Variants in MARCKSL1 observed in about 807,000 individuals in gnomAD.
MARCKSL1 encodes MARCKS-related protein.
Under a neutral mutation model 13.3 loss-of-function variants are expected in MARCKSL1, and 5 were observed. That is an observed-to-expected ratio of 0.38 (90% CI 0.20 to 0.79). The LOEUF (loss-of-function observed/expected upper bound fraction) is 0.79, where lower values mean the gene tolerates loss of function less well. MARCKSL1 is among the 30% of genes least tolerant of loss of function. The pLI is 0.45. For synonymous variants in MARCKSL1, 126 were observed against 103.2 expected (o/e 1.22, Z -1.34); for missense variants, 274 against 251.6 (o/e 1.09, Z -0.60).
At position 32,334,973 on chromosome 1, in the gene MARCKSL1, C is replaced by G; in HGVS notation, c.212G>C (p.Ser71Thr). The change falls in exon 2 of 2, where the codon AGC (serine) becomes ACC (threonine). Residue 71 changes from serine (S) to threonine (T), a missense_variant. Transcript: ENST00000329421. ...CTCCCCCTTGGCCTCAGCACCCTGG[C>G]TAGGGGGTGCTGGCTCGATGGCATC... ...TGDAIEPAPP[S>T]QGAEAKGEVP... is the part of the protein sequence containing the mutation. The G allele has an allele frequency of 6.2e-7, 1 of 1,611,824 alleles. No individual in the cohort carries two copies. Among genetic ancestry groups the G allele is most frequent in the Non-Finnish European group, 8.5e-7 (1 of 1,179,220 alleles).
chr1:32,336,233 C>G lies in MARCKSL1; in HGVS notation c.-200G>C. On this transcript the variant is annotated 5_prime_UTR_variant, in exon 1 of 2. Transcript: ENST00000329421. ...GCCGCTCCGCTCCGCGCCAGAATGC[C>G]GCCCGCCGCCCGCCGAGCTGCCTAT... The G allele has an allele frequency of 3.2e-6, 1 of 309,664 alleles. No individual in the cohort carries two copies. Among genetic ancestry groups the G allele is most frequent in the East Asian group, 5.1e-5 (1 of 19,690 alleles). 19.2% of individuals were successfully genotyped at this position (309,664 alleles called of 1,614,324 possible). A position where few individuals can be genotyped will look rare whatever the true frequency, so the allele number is the denominator to read the frequency against.
In MARCKSL1 at chr1:32,335,847, C is replaced by T. The variant is rs1641382631; in HGVS notation, c.87+100G>A. The T allele has an allele frequency of 1.7e-6, 1 of 574,452 alleles. No individual in the cohort carries two copies. Among genetic ancestry groups the T allele is most frequent in the Non-Finnish European group, 2.5e-6 (1 of 394,420 alleles). 35.6% of individuals were successfully genotyped at this position (574,452 alleles called of 1,614,324 possible). Reference sequence around the variant, plus strand: ...GCGGGGGAGGGGGCGCCGCGTGTCCCGGGCCGGACAAAGCGCGCGGCCCCG... The same window carrying T: ...GCGGGGGAGGGGGCGCCGCGTGTCCTGGGCCGGACAAAGCGCGCGGCCCCG... On this transcript the variant is annotated intron_variant, in intron 1 of 1. Transcript: ENST00000329421. The surrounding 1 kb of genome is among the most constrained non-coding windows in gnomAD (Gnocchi z 4.1).
rs1357250085 is a variant in MARCKSL1 at position 32,334,854 on chromosome 1, CCTT to C, written c.328_330del (p.Lys110del). ...GAGGCAGAAGAATCACCCCCACCCT[CCTT>C]CCGATTTCTCTTGAAGGACAGGCCG... is the stretch of plus-strand genomic sequence containing the variant. On this transcript the variant is annotated inframe_deletion, in exon 2 of 2. Coordinates refer to ENST00000329421, the MANE Select transcript of MARCKSL1 (RefSeq NM_023009.7). 1 of 1,612,534 alleles carries C rather than the reference CCTT, an allele frequency of 6.2e-7. No individual in the cohort carries two copies. Among genetic ancestry groups the C allele is most frequent in the Admixed American group, 1.7e-5 (1 of 60,016 alleles).
rs571520443 is a variant in MARCKSL1, at chr1:32,335,790, G to C, written c.87+157C>G. 4.6e-5 allele frequency among the ~76,000 whole-genome samples: 7 copies of C among 150,584 alleles called. No homozygotes were observed. The South Asian group carries it at 6.4e-4, about 14-fold the overall frequency. ...CCGCCCCTCCCCTCGCTTCGCCCGC[G>C]GGGGCTGCGGCGCCGAGAACAAAGG... On this transcript the variant is annotated intron_variant, in intron 1 of 1. Coordinates refer to ENST00000329421, the MANE Select transcript of MARCKSL1 (RefSeq NM_023009.7). The surrounding 1 kb of genome is among the most constrained non-coding windows in gnomAD (Gnocchi z 4.1).
chr1:32,334,310 G>A lies in MARCKSL1; in HGVS notation c.*287C>T. The A allele has an allele frequency of 5.9e-6, 2 of 336,392 alleles. No homozygotes were observed. Among genetic ancestry groups the A allele is most frequent in the Admixed American group, 9.6e-5 (2 of 20,788 alleles). 20.8% of individuals were successfully genotyped at this position (336,392 alleles called of 1,614,324 possible). On this transcript the variant is annotated 3_prime_UTR_variant, in exon 2 of 2. Transcript: ENST00000329421. The stretch of plus-strand genomic sequence containing the variant: ...AAACCAACAACTGCCTTATGCAGGG[G>A]TGGGGACAGGGAAGGAGGTAGGGCC...
rs1392785377 is a variant in MARCKSL1, at chr1:32,335,419, G to C, written c.88-322C>G. On this transcript the variant is annotated intron_variant, in intron 1 of 1. Transcript: ENST00000329421. This position sits in a 1 kb window ranked among gnomAD's most constrained non-coding sequence, Gnocchi z 4.1. ...CGGATCCCGGGCAGGCGGGCGAGCCGCTCTAGGCGACATTGGGCGGGAAGC... is the reference window on the plus strand; with the variant it reads ...CGGATCCCGGGCAGGCGGGCGAGCCCCTCTAGGCGACATTGGGCGGGAAGC... 6.6e-6 allele frequency among the ~76,000 whole-genome samples: 1 copy of C among 151,700 alleles called. No individual in the cohort carries two copies. Among genetic ancestry groups the C allele is most frequent in the Non-Finnish European group, 1.5e-5 (1 of 67,794 alleles).
chr1:32,334,945 G>C lies in MARCKSL1; in HGVS notation c.240C>G (p.Val80=). The C allele has an allele frequency of 6.2e-7, 1 of 1,612,164 alleles. No homozygotes were observed. The highest frequency in any genetic ancestry group is 8.5e-7 in the Non-Finnish European group (1 of 1,179,858). Residue 80 remains valine (V), a synonymous_variant, in exon 2 of 2, where the codon GTC becomes GTG. Transcript: ENST00000329421. ...PSQGAEAKGE[V]PPKETPKKKK... ...TCTTCTTGGGGGTCTCCTTGGGGGG[G>C]ACCTCCCCCTTGGCCTCAGCACCCT...
Position 32,335,037 on chromosome 1 carries a change from G to C in MARCKSL1, c.148C>G (p.Pro50Ala). The change falls in exon 2 of 2, where the codon CCT (proline) becomes GCT (alanine). Residue 50 changes from proline to alanine, a missense_variant. Physicochemically the swap from Pro to Ala is conservative, Grantham distance 27. Transcript: ENST00000329421. The surrounding 1 kb of genome is among the most constrained non-coding windows in gnomAD (Gnocchi z 4.1). ...GCTGCCTCATCTGTTCCGTTCACAG[G>C]GGGCGACTCCCCTTCACCCTTGGGG... ...LSPKGEGESP[P>A]VNGTDEAAGA... The C allele has an allele frequency of 1.3e-6, 2 of 1,571,644 alleles. No homozygotes were observed. The highest frequency in any genetic ancestry group is 1.7e-4 in the Middle Eastern group (1 of 5,810).
In MARCKSL1 at chr1:32,335,570, G is replaced by T. The variant is rs1641376319; in HGVS notation, c.87+377C>A. On this transcript the variant is annotated intron_variant, in intron 1 of 1. Coordinates refer to ENST00000329421, the MANE Select transcript of MARCKSL1 (RefSeq NM_023009.7). The surrounding 1 kb of genome is among the most constrained non-coding windows in gnomAD (Gnocchi z 4.1). ...GCTCCCCCTTAAAAAAAAAAAGACC[G>T]TGGGCCACCGAGGTCGGGTCGGCGG... 6.6e-6 allele frequency among the ~76,000 whole-genome samples: 1 copy of T among 150,646 alleles called. No individual in the cohort carries two copies. The highest frequency in any genetic ancestry group is 1.5e-5 in the Non-Finnish European group (1 of 67,596).
At position 32,336,199 on chromosome 1, in the gene MARCKSL1, G is replaced by A. The variant is rs972319642; in HGVS notation, c.-166C>T. On this transcript the variant is annotated 5_prime_UTR_variant, in exon 1 of 2. Coordinates refer to ENST00000329421, the MANE Select transcript of MARCKSL1 (RefSeq NM_023009.7). ...CCGCTCCGCGGCCGACCCGCTAGCTGCGCCCGCCGCCGCTCCGCTCCGCGC... is the reference window on the plus strand; with the variant it reads ...CCGCTCCGCGGCCGACCCGCTAGCTACGCCCGCCGCCGCTCCGCTCCGCGC... 4 of 339,560 alleles carry A rather than the reference G, an allele frequency of 1.2e-5. No homozygotes were observed. Among genetic ancestry groups the A allele is most frequent in the East Asian group, 4.4e-5 (1 of 22,504 alleles). The allele number at this position is 339,560 out of a possible 1,614,324, so 21.0% of individuals were successfully genotyped here. A position where few individuals can be genotyped will look rare whatever the true frequency, so the allele number is the denominator to read the frequency against.
At position 32,335,979 on chromosome 1, in the gene MARCKSL1, C is replaced by T; in HGVS notation, c.55G>A (p.Ala19Thr). The T allele has an allele frequency of 7.7e-7, 1 of 1,295,720 alleles. No homozygotes were observed. The highest frequency in any genetic ancestry group is 2.8e-5 in the East Asian group (1 of 35,090). 80.3% of individuals were successfully genotyped at this position (1,295,720 alleles called of 1,614,324 possible). A position where few individuals can be genotyped will look rare whatever the true frequency, so the allele number is the denominator to read the frequency against. ...PRGDVTAEEA[A>T]GASPAKANGQ... ...TTGGCCTTCGCGGGGGAAGCGCCTG[C>T]TGCCTCCTCGGCGGTCACGTCGCCC... The change falls in exon 1 of 2, where the codon GCA (alanine) becomes ACA (threonine). Residue 19 changes from alanine (A) to threonine (T), a missense_variant. Physicochemically the swap from Ala to Thr is moderately conservative, Grantham distance 58 (BLOSUM62 0). Transcript: ENST00000329421. This position sits in a 1 kb window ranked among gnomAD's most constrained non-coding sequence, Gnocchi z 4.1.
rs145761786 is a variant in MARCKSL1, at chr1:32,334,873, G to A, written c.312C>T (p.Ser104=). The stretch of plus-strand genomic sequence containing the variant: ...CACCCTCCTTCCGATTTCTCTTGAA[G>A]GACAGGCCGCTCAATTTGAAAGGCT... The part of the protein sequence containing the change: ...FKKPFKLSGL[S]FKRNRKEGGG... Residue 104 remains serine (S), a synonymous_variant, in exon 2 of 2, where the codon TCC becomes TCT. Transcript: ENST00000329421. 5.8e-5 allele frequency: 93 copies of A among 1,612,460 alleles called. 1 individual carries two copies. The highest frequency in any genetic ancestry group is 7.3e-5 in the Non-Finnish European group (86 of 1,179,992).
In MARCKSL1 at chr1:32,334,665, T is replaced by A. The variant is rs1641353566; in HGVS notation, c.520A>T (p.Thr174Ser). The part of the protein sequence containing the change: ...ASEEEAGPQA[T>S]EPSTPSGPES... ...GGCCCCGAGGGAGTGGATGGCTCTG[T>A]AGCCTGGGGCCCTGCCTCTTCTTCT... The change falls in exon 2 of 2, where the codon ACA becomes TCA. Residue 174 changes from threonine (T) to serine (S), a missense_variant. Thr to Ser is a moderately conservative substitution (Grantham distance 58). Transcript: ENST00000329421. 5 of 1,611,008 alleles carry A rather than the reference T, an allele frequency of 3.1e-6. No individual in the cohort carries two copies. Among genetic ancestry groups the A allele is most frequent in the Non-Finnish European group, 4.2e-6 (5 of 1,178,826 alleles).
rs1193865685 is a variant in MARCKSL1 at position 32,335,175 on chromosome 1, G to A, written c.88-78C>T. On this transcript the variant is annotated intron_variant, in intron 1 of 1. Transcript: ENST00000329421. The surrounding 1 kb of genome is among the most constrained non-coding windows in gnomAD (Gnocchi z 4.1). The stretch of plus-strand genomic sequence containing the variant: ...CGCTTCTGATCCCTTCTAGAGGAAG[G>A]GGTCCTCGATTCGATTCTACTGCAA... The A allele has an allele frequency of 7.2e-6, 10 of 1,388,592 alleles. No homozygotes were observed. Among genetic ancestry groups the A allele is most frequent in the South Asian group, 1.8e-5 (1 of 54,530 alleles). The allele number at this position is 1,388,592 out of a possible 1,614,324, so 86.0% of individuals were successfully genotyped here.
rs1641344879 is a variant in MARCKSL1, at chr1:32,334,240, G to A, written c.*357C>T. 1.1e-5 allele frequency: 2 copies of A among 189,130 alleles called. No homozygotes were observed. The highest frequency in any genetic ancestry group is 6.1e-5 in the Admixed American group (1 of 16,466). 11.7% of individuals were successfully genotyped at this position (189,130 alleles called of 1,614,324 possible). ...ACCCCACTTCTGGCTCAGGGATTTG[G>A]GGAGTAGGGTAAACAAAACCTACTT... On this transcript the variant is annotated 3_prime_UTR_variant, in exon 2 of 2. Coordinates refer to ENST00000329421, the MANE Select transcript of MARCKSL1 (RefSeq NM_023009.7).
rs1419092774 is a variant in MARCKSL1, at chr1:32,334,455, A to C, written c.*142T>G. ...GAGAATCCACAGGAGGGAGAGGAGG[A>C]AAGGGAACGTGGCTGGGAGGAGGCA... is the stretch of plus-strand genomic sequence containing the variant. On this transcript the variant is annotated 3_prime_UTR_variant, in exon 2 of 2. Transcript: ENST00000329421. 1 of 999,466 alleles carries C rather than the reference A, an allele frequency of 1.0e-6. No individual in the cohort carries two copies. 61.9% of individuals were successfully genotyped at this position (999,466 alleles called of 1,614,324 possible).
In MARCKSL1 at chr1:32,335,849, G is replaced by C. The variant is rs1391085534; in HGVS notation, c.87+98C>G. On this transcript the variant is annotated intron_variant, in intron 1 of 1. Transcript: ENST00000329421. The surrounding 1 kb of genome is among the most constrained non-coding windows in gnomAD (Gnocchi z 4.1). ...GGGGGAGGGGGCGCCGCGTGTCCCG[G>C]GCCGGACAAAGCGCGCGGCCCCGGC... The C allele has an allele frequency of 1.7e-6, 1 of 583,754 alleles. No individual in the cohort carries two copies. Among genetic ancestry groups the C allele is most frequent in the Non-Finnish European group, 2.5e-6 (1 of 403,788 alleles). 36.2% of individuals were successfully genotyped at this position (583,754 alleles called of 1,614,324 possible).
Position 32,334,802 on chromosome 1 carries a change from T to G in MARCKSL1, c.383A>C (p.Gln128Pro). The part of the protein sequence containing the change: ...ASSPTEEEQE[Q>P]GEIGACSDEG... ...GTCGCTGCAGGCACCGATCTCCCCCTGCTCCTGCTCTTCCTCTGTGGGTGA... is the reference window on the plus strand; with the variant it reads ...GTCGCTGCAGGCACCGATCTCCCCCGGCTCCTGCTCTTCCTCTGTGGGTGA... The change falls in exon 2 of 2, where the codon CAG (glutamine) becomes CCG (proline). Residue 128 changes from glutamine to proline, a missense_variant. Gln to Pro is a moderately conservative substitution (Grantham distance 76). Coordinates refer to ENST00000329421, the MANE Select transcript of MARCKSL1 (RefSeq NM_023009.7). 1 of 1,611,942 alleles carries G rather than the reference T, an allele frequency of 6.2e-7. No homozygotes were observed. Among genetic ancestry groups the G allele is most frequent in the Non-Finnish European group, 8.5e-7 (1 of 1,179,844 alleles).
rs1570049019 is a variant in MARCKSL1 at position 32,335,165 on chromosome 1, C to T, written c.88-68G>A. 7.0e-7 allele frequency: 1 copy of T among 1,425,138 alleles called. No homozygotes were observed. Among genetic ancestry groups the T allele is most frequent in the East Asian group, 2.5e-5 (1 of 39,648 alleles). 88.3% of individuals were successfully genotyped at this position (1,425,138 alleles called of 1,614,324 possible). Reference sequence around the variant, plus strand: ...TCCCCCAGCCCGCTTCTGATCCCTTCTAGAGGAAGGGGTCCTCGATTCGAT... The same window carrying T: ...TCCCCCAGCCCGCTTCTGATCCCTTTTAGAGGAAGGGGTCCTCGATTCGAT... On this transcript the variant is annotated intron_variant, in intron 1 of 1. Transcript: ENST00000329421. This position sits in a 1 kb window ranked among gnomAD's most constrained non-coding sequence, Gnocchi z 4.1.
Sources: allele counts gnomAD v4.1 joint callset (sites outside exome capture counted in the v4.1 genomes callset), GRCh38; gene constraint gnomAD v4.1.1; non-coding constraint Gnocchi (gnomAD v3.1); transcripts MANE v1.5; gene names NCBI Gene and HGNC (gene_info 2026-07-23, HGNC 2026-07-21).